SH3BP4: variants seen among roughly 807,000 people sequenced by gnomAD.
SH3BP4 encodes the protein SH3 domain-binding protein 4.
Under a neutral mutation model 65.5 loss-of-function variants are expected in SH3BP4, and 33 were observed. That is an observed-to-expected ratio of 0.50 (90% CI 0.38 to 0.67). SH3BP4 has a LOEUF of 0.67. Among genes scored for constraint, SH3BP4 ranks in the 30% least tolerant of loss-of-function variants. The pLI is 0.00. For missense variants in SH3BP4, 1,134 were observed against 1,261.4 expected (o/e 0.90, Z 1.53); for synonymous variants, 552 against 545.5 (o/e 1.01, Z -0.17).
chr2:235,022,187 G>C (rs1256631609), intron 2 of SH3BP4, among the ~76,000 whole-genome samples: 2 of 152,154 alleles, frequency 1.3e-5, no homozygotes, highest in African/African-American at 4.8e-5. Context: ...ATTTGCAGCC[G>C]ACCTGCTGAG....
Position 235,038,322 on chromosome 2 carries a change from T to TATATATTATATATA in SH3BP4, c.119-2560_119-2559insTATATATAATATAT, listed in dbSNP as rs1695484080. Among the ~76,000 whole-genome samples, 8 of 7,628 alleles carry TATATATTATATATA rather than the reference T, an allele frequency of 1.0e-3. No homozygotes were observed. The South Asian group carries it at 0.03, about 29-fold the overall frequency. The allele number at this position is 7,628 out of a possible 152,430, so 5.0% of individuals were successfully genotyped here. A position where few individuals can be genotyped will look rare whatever the true frequency, so the allele number is the denominator to read the frequency against. The stretch of plus-strand genomic sequence containing the variant: ...TATTATATATATATATTATATATTA[T>TATATATTATATATA]ATATATATTATATATAGTATATATA... On this transcript the variant is annotated intron_variant, in intron 3 of 5. Transcript: ENST00000392011.
intron 1 of SH3BP4, among the ~76,000 whole-genome samples, chr2:234,963,777 G>A (rs575445259): frequency 1.3e-5 from 2 of 152,298 alleles, no homozygotes; most frequent in South Asian, 2.1e-4. Flanking sequence ...GGGTCATGTC[G>A]TCATGGGTGT....
chr2:235,019,873 TAAAAAAAAA>T (rs199714068), intron 2 of SH3BP4, among the ~76,000 whole-genome samples: 1 of 112,602 alleles, frequency 8.9e-6, no homozygotes, highest in African/African-American at 3.4e-5. Flanking sequence ...TAAAGATTCT[TAAAAAAAAA>T]AAAAAAAAAA....
rs114121686 is a variant in SH3BP4, at chr2:234,993,193, G to A, written c.-206-2110G>A. Among the ~76,000 whole-genome samples the A allele has an allele frequency of 3.4e-3, 517 of 152,270 alleles. 3 individuals are homozygous for A. The highest frequency in any genetic ancestry group is 0.012 in the African/African-American group (504 of 41,542). The stretch of plus-strand genomic sequence containing the variant: ...GATGAGCCCCGGGGGTCGGTTTCTC[G>A]AAGCCCCCGTCAGAGCTGATGTTCG... On this transcript the variant is annotated intron_variant, in intron 1 of 5. Coordinates refer to ENST00000392011, the MANE Select transcript of SH3BP4 (RefSeq NM_014521.3).
Position 235,043,132 on chromosome 2 carries a change from G to A in SH3BP4, c.2363G>A (p.Arg788Gln), listed in dbSNP as rs773778101. ...AACCTGCCGCTCACCTTTTTCTGCC[G>A]GGCAGAGCTGGATAGTGAGCCCGAG... ...YVNLPLTFFC[R>Q]AELDSEPERV... is the part of the protein sequence containing the mutation. The change falls in exon 4 of 6, where the codon CGG becomes CAG. Residue 788 changes from arginine (R) to glutamine (Q), a missense_variant. Coordinates refer to ENST00000392011, the MANE Select transcript of SH3BP4 (RefSeq NM_014521.3). 24 of 1,613,566 alleles carry A rather than the reference G, an allele frequency of 1.5e-5. No homozygotes were observed. Among genetic ancestry groups the A allele is most frequent in the African/African-American group, 8.0e-5 (6 of 74,942 alleles).
chr2:234,993,639 C>T (rs1490143061), intron 1 of SH3BP4, among the ~76,000 whole-genome samples: 1 of 152,164 alleles, frequency 6.6e-6, no homozygotes, highest in African/African-American at 2.4e-5. Flanking sequence ...TTCACTTCCC[C>T]CAGGTTTTTT....
intron 1 of SH3BP4, among the ~76,000 whole-genome samples, chr2:234,985,086 C>G (rs1385344778): frequency 6.6e-6 from 1 of 152,160 alleles, no homozygotes; most frequent in Admixed American, 6.5e-5. Context: ...CAGGCTGACC[C>G]GGGCTTGGGG....
intron 1 of SH3BP4, chr2:234,953,169 T>A (rs1692515071): frequency 6.6e-6 from 1 of 152,254 alleles, no homozygotes; most frequent in African/African-American, 2.4e-5. Context: ...TCCGTGATAA[T>A]AATAAAGTTC....
chr2:235,014,391 G>A (rs572357372), intron 2 of SH3BP4, among the ~76,000 whole-genome samples: 56 of 152,308 alleles, frequency 3.7e-4, no homozygotes, highest in Non-Finnish European at 6.6e-4. Flanking sequence ...AGGCGCTGGG[G>A]AAGAAGTGCC....
chr2:235,033,589 G>A lies in SH3BP4; in HGVS notation c.-132-1282G>A, dbSNP rs1353442730. On this transcript the variant is annotated intron_variant, in intron 2 of 5. Transcript: ENST00000392011. This position sits in a 1 kb window ranked among gnomAD's most constrained non-coding sequence, Gnocchi z 5.7. Reference sequence around the variant, plus strand: ...AGCCACTATCCGCCGGTCACTGGGAGCTGGGATTGCAGCTTCTGATGCAGT... The same window carrying A: ...AGCCACTATCCGCCGGTCACTGGGAACTGGGATTGCAGCTTCTGATGCAGT... 3.3e-5 allele frequency among the ~76,000 whole-genome samples: 5 copies of A among 152,258 alleles called. No homozygotes were observed. Among genetic ancestry groups the A allele is most frequent in the African/African-American group, 1.2e-4 (5 of 41,470 alleles).
chr2:235,006,075 C>A (rs1694284358), intron 2 of SH3BP4, among the ~76,000 whole-genome samples: 2 of 152,230 alleles, frequency 1.3e-5, no homozygotes, highest in Non-Finnish European at 2.9e-5. Context: ...CCTGTCCTGG[C>A]ATGGTGCTGG....
chr2:234,956,027 G>T (rs1244278346), intron 1 of SH3BP4, among the ~76,000 whole-genome samples: 1 of 152,180 alleles, frequency 6.6e-6, no homozygotes, highest in Non-Finnish European at 1.5e-5. Context: ...TGAAGATACA[G>T]GCATGCAAAT....
intron 2 of SH3BP4, among the ~76,000 whole-genome samples, chr2:235,003,659 G>A (rs937096303): frequency 1.3e-5 from 2 of 152,164 alleles, no homozygotes; most frequent in African/African-American, 2.4e-5. Flanking sequence ...TCTGTAAAAC[G>A]GGAGTGAGAA....
At chr2:235,011,611 G>T (rs756808593) in intron 2 of SH3BP4, among the ~76,000 whole-genome samples, 87 of 152,284 alleles carry the variant, frequency 5.7e-4, no homozygotes, top group African/African-American at 1.7e-3. Flanking sequence ...TGTCATTTCC[G>T]TAAACCTGCT....
chr2:235,020,466 T>C (rs1694818906), intron 2 of SH3BP4, among the ~76,000 whole-genome samples: 1 of 152,044 alleles, frequency 6.6e-6, no homozygotes, highest in African/African-American at 2.4e-5. Flanking sequence ...CACTGCACTC[T>C]AGCCTGGGTG....
At chr2:235,007,516 T>C (rs568463251) in intron 2 of SH3BP4, among the ~76,000 whole-genome samples, 34 of 152,236 alleles carry the variant, frequency 2.2e-4, no homozygotes, top group Admixed American at 1.8e-3. Flanking sequence ...GATCGTGCAG[T>C]GCCCAGGACA....
intron 1 of SH3BP4, among the ~76,000 whole-genome samples, chr2:234,956,444 C>T (rs577752405): frequency 3.8e-4 from 58 of 152,318 alleles, no homozygotes; most frequent in African/African-American, 1.3e-3. Flanking sequence ...GCTCTCTTTG[C>T]TGAAGCCTGT....
At chr2:235,048,739 G>A (rs1695956377) in intron 4 of SH3BP4, among the ~76,000 whole-genome samples, 1 of 152,226 alleles carries the variant, frequency 6.6e-6, no homozygotes, top group Admixed American at 6.5e-5. Flanking sequence ...ATTCCCATCT[G>A]CATCGTCTGT....
Position 234,989,949 on chromosome 2 carries a change from G to A in SH3BP4, c.-206-5354G>A, listed in dbSNP as rs147452815. Among the ~76,000 whole-genome samples the A allele has an allele frequency of 2.5e-3, 387 of 152,288 alleles. 2 individuals carry two copies. The highest frequency in any genetic ancestry group is 9.1e-3 in the African/African-American group (377 of 41,542). The stretch of plus-strand genomic sequence containing the variant: ...ACTCTGAAACTTTTTCAGCACCAAC[G>A]TGATGCCACAAGTGGAAAATTTCTC... On this transcript the variant is annotated intron_variant, in intron 1 of 5. Transcript: ENST00000392011.
Sources: allele counts gnomAD v4.1 joint callset (sites outside exome capture counted in the v4.1 genomes callset), GRCh38; gene constraint gnomAD v4.1.1; non-coding constraint Gnocchi (gnomAD v3.1); transcripts MANE v1.5; gene names NCBI Gene and HGNC (gene_info 2026-07-23, HGNC 2026-07-21).